STK3: variants seen among roughly 807,000 people sequenced by gnomAD.
STK3 encodes serine/threonine-protein kinase 3.
STK3 carries 41 observed loss-of-function variants against 58.0 expected under a neutral mutation model. That is an observed-to-expected ratio of 0.71 (90% confidence interval 0.55 to 0.92). The LOEUF is 0.92. STK3 is among the 40% of genes least tolerant of loss of function. The pLI, the probability that STK3 is intolerant of heterozygous loss-of-function variation, is 0.00. For missense variants in STK3, 479 were observed against 602.7 expected (o/e 0.79, Z 2.15); for synonymous variants, 170 against 191.0 (o/e 0.89, Z 0.91).
chr8:98,852,020 AAAG>A (rs1032708461), intron 3 of STK3, among the ~76,000 whole-genome samples: 7 of 151,808 alleles, frequency 4.6e-5, no homozygotes, highest in Admixed American at 6.6e-5. Flanking sequence ...AAAGAAAAAG[AAAG>A]AAGAAGGCAG....
At chr8:98,611,153 A>C (rs1447797448) in intron 6 of STK3, among the ~76,000 whole-genome samples, 1 of 152,164 alleles carries the variant, frequency 6.6e-6, no homozygotes, top group Non-Finnish European at 1.5e-5. Flanking sequence ...CACTAGTCCT[A>C]AGATAGCAAG....
At chr8:98,622,698 C>T (rs1056558749) in intron 6 of STK3, among the ~76,000 whole-genome samples, 15 of 152,120 alleles carry the variant, frequency 9.9e-5, no homozygotes, top group Admixed American at 2.6e-4. Flanking sequence ...CAGAAGAAGA[C>T]GGAAATTATG....
At chr8:98,448,512 C>T (rs893336021) in intron 1 of STK3, among the ~76,000 whole-genome samples, 7 of 152,116 alleles carry the variant, frequency 4.6e-5, no homozygotes, top group Non-Finnish European at 8.8e-5. Flanking sequence ...TGCGCAGGTG[C>T]AGGAGTGCCC....
chr8:98,745,348 G>C (rs1027343912), intron 4 of STK3, among the ~76,000 whole-genome samples: 1 of 152,126 alleles, frequency 6.6e-6, no homozygotes, highest in Non-Finnish European at 1.5e-5. Flanking sequence ...CTTAGCCTTT[G>C]GGGGTAGCTT....
intron 8 of STK3, among the ~76,000 whole-genome samples, chr8:98,548,507 A>G (rs1227530880): frequency 4.6e-5 from 7 of 152,166 alleles, no homozygotes; most frequent in Non-Finnish European, 7.3e-5. Flanking sequence ...TTAAGACAGA[A>G]CACATTGACA....
chr8:98,734,103 A>C (rs1183811224), intron 4 of STK3, among the ~76,000 whole-genome samples: 1 of 152,146 alleles, frequency 6.6e-6, no homozygotes, highest in East Asian at 1.9e-4. Flanking sequence ...CACTATCACA[A>C]GAACAGCCGG....
intron 1 of STK3, among the ~76,000 whole-genome samples, chr8:98,914,348 C>T (rs1157601151): frequency 2.0e-5 from 3 of 152,036 alleles, no homozygotes; most frequent in Non-Finnish European, 4.4e-5. Context: ...GTTGAGGCTG[C>T]TGTGAGTTGT....
chr8:98,426,741 G>A (rs1340499638), intron 3 of STK3, among the ~76,000 whole-genome samples: 1 of 152,174 alleles, frequency 6.6e-6, no homozygotes, highest in Non-Finnish European at 1.5e-5. Context: ...AAAGGTCACC[G>A]TAGGCAGCCC....
At chr8:98,411,602 G>A (rs1043660582) in intron 3 of STK3, among the ~76,000 whole-genome samples, 2 of 152,208 alleles carry the variant, frequency 1.3e-5, no homozygotes, top group African/African-American at 2.4e-5. Flanking sequence ...GCCCCTTGGC[G>A]ATATCCACAG....
At chr8:98,545,433 C>T (rs1810622722) in intron 9 of STK3, among the ~76,000 whole-genome samples, 2 of 152,192 alleles carry the variant, frequency 1.3e-5, no homozygotes, top group Admixed American at 1.3e-4. Flanking sequence ...GAAAGTTATT[C>T]TTGGGACATG....
rs1289657432 is a variant in STK3, at chr8:98,723,257, T to C, written c.352-15946A>G. On this transcript the variant is annotated intron_variant, in intron 4 of 10. Transcript: ENST00000419617. Reference sequence around the variant, plus strand: ...AAAAGTAAGACATTTATAGCTGAGCTAATACGTTAAAAGATGGAAGTCTAC... The same window carrying C: ...AAAAGTAAGACATTTATAGCTGAGCCAATACGTTAAAAGATGGAAGTCTAC... 4.6e-5 allele frequency among the ~76,000 whole-genome samples: 7 copies of C among 152,278 alleles called. No homozygotes were observed. The South Asian group carries it at 1.4e-3, about 32-fold the overall frequency.
rs561313025 is a variant in STK3 at position 98,551,182 on chromosome 8, G to A, written c.949-3021C>T. 2.6e-5 allele frequency among the ~76,000 whole-genome samples: 4 copies of A among 152,188 alleles called. No individual in the cohort carries two copies. The East Asian group carries it at 5.8e-4, about 22-fold the overall frequency. ...TAAATCATACCTAGTTTCAGATCAA[G>A]TATCTACTACTTCCATGGCTAATTC... On this transcript the variant is annotated intron_variant, in intron 8 of 10. Transcript: ENST00000419617.
At chr8:98,749,140 C>T in intron 4 of STK3, 136 bp downstream of exon 4, 1 of 543,800 alleles carries the variant, frequency 1.8e-6, no homozygotes, top group Non-Finnish European at 3.2e-6. Flanking sequence ...ACACCTCCTA[C>T]TAGATATCTT....
At chr8:98,823,017 T>G (rs1350859843) in intron 1 of STK3, among the ~76,000 whole-genome samples, 1 of 152,196 alleles carries the variant, frequency 6.6e-6, no homozygotes, top group African/African-American at 2.4e-5. Flanking sequence ...CAAAATAGTT[T>G]TGAAAACCAC....
chr8:98,367,377 TG>T (rs1489667662), downstream of STK3, among the ~76,000 whole-genome samples: 1 of 152,214 alleles, frequency 6.6e-6, no homozygotes, highest in African/African-American at 2.4e-5. Flanking sequence ...AAATAATCTT[TG>T]GATCGCTCCC....
At chr8:98,452,347 T>C (rs574674614), downstream of STK3, among the ~76,000 whole-genome samples, 13 of 152,342 alleles carry the variant, frequency 8.5e-5, no homozygotes, top group South Asian at 2.5e-3. Context: ...ACAGGTGTTA[T>C]TATTTTGAAA....
intron 1 of STK3, chr8:98,904,653 T>C (rs1407424455): frequency 1.6e-6 from 1 of 633,026 alleles, no homozygotes; most frequent in African/African-American, 1.8e-5. Context: ...TACCGGGCCA[T>C]GTCGTGTAGA....
At chr8:98,683,971 C>T (rs528099674) in intron 6 of STK3, among the ~76,000 whole-genome samples, 1 of 152,088 alleles carries the variant, frequency 6.6e-6, no homozygotes, top group Non-Finnish European at 1.5e-5. Context: ...AAACTATGAA[C>T]TATCTTACCA....
At chr8:98,844,957 C>T (rs950689888) in intron 3 of STK3, among the ~76,000 whole-genome samples, 2 of 152,192 alleles carry the variant, frequency 1.3e-5, no homozygotes, top group Non-Finnish European at 2.9e-5. Context: ...TTTGCTTTCA[C>T]GTGACAAAAA....
Sources: gnomAD v4.1 joint callset for allele counts (sites outside exome capture counted in the v4.1 genomes callset) on GRCh38, gnomAD v4.1.1 for gene constraint, MANE v1.5 for transcripts, NCBI Gene and HGNC (gene_info 2026-07-23, HGNC 2026-07-21) for gene names.